The following FAM13B variants were observed in gnomAD, a reference collection of about 807,000 sequenced individuals.
FAM13B encodes family with sequence similarity 13 member B.
Under a neutral mutation model 117.3 loss-of-function variants are expected in FAM13B, and 60 were observed. The ratio of observed to expected loss-of-function variants is 0.51; its 90% CI spans 0.42 to 0.63. The LOEUF is 0.63. Ranked by LOEUF, FAM13B falls within the 30% of genes least tolerant of loss-of-function variation. The pLI is 0.00. For missense variants in FAM13B, 972 were observed against 1,091.9 expected, an observed-to-expected ratio of 0.89 and a Z score of 1.55; for synonymous variants, 332 against 356.1, an observed-to-expected ratio of 0.93 and a Z score of 0.76.
intron 10 of FAM13B, among the ~76,000 whole-genome samples, chr5:137,965,404 T>G (rs1338779462): frequency 6.6e-6 from 1 of 152,148 alleles, no homozygotes; most frequent in Admixed American, 6.5e-5. Context: ...TTAGGAGCTA[T>G]CGGAGATTAC....
rs142454182 is a variant in FAM13B, at chr5:137,990,715, G to A, written c.849-2400C>T. Reference sequence around the variant, plus strand: ...CATGCCTCAAGTCCCAGCTACTCAGGAGGCTGAGTCAGGAGGATCACTTGA... The same window carrying A: ...CATGCCTCAAGTCCCAGCTACTCAGAAGGCTGAGTCAGGAGGATCACTTGA... On this transcript the variant is annotated intron_variant, in intron 7 of 23. Coordinates refer to ENST00000689681, the MANE Select transcript of FAM13B (RefSeq NM_001385994.1). Among the ~76,000 whole-genome samples, 1,516 of 152,212 alleles carry A rather than the reference G, an allele frequency of 1.0e-2. 13 individuals carry two copies. The highest frequency in any genetic ancestry group is 0.015 in the Non-Finnish European group (1,033 of 68,028).
At chr5:137,943,737 T>A (rs56754897) in intron 20 of FAM13B, among the ~76,000 whole-genome samples, 25,909 of 151,878 alleles carry the variant, frequency 0.17, 2,298 homozygotes, top group African/African-American at 0.18. Flanking sequence ...AGACCAAGAC[T>A]CTGCCTCAAA....
chr5:137,950,015 T>C (rs1377340615), intron 17 of FAM13B, among the ~76,000 whole-genome samples: 1 of 152,126 alleles, frequency 6.6e-6, no homozygotes, highest in East Asian at 1.9e-4. Context: ...ATTATTTTTA[T>C]ATCCATAGAG....
At chr5:137,948,087 A>G (rs1224016893) in intron 18 of FAM13B, among the ~76,000 whole-genome samples, 1 of 152,096 alleles carries the variant, frequency 6.6e-6, no homozygotes, top group African/African-American at 2.4e-5. Context: ...CCATTCTCCA[A>G]GCAAATCTCA....
rs1158195346 is a variant in FAM13B at position 138,039,358 on chromosome 5, C to T, written c.-203+12520G>A. ...CTGCCTTTTTAACCAGAAATCTAGG[C>T]AGGAGGGTCTCACCATTTTGCATAT... is the stretch of plus-strand genomic sequence containing the variant. On this transcript the variant is annotated intron_variant, in intron 1 of 3. Transcript: ENST00000502471. 3.3e-5 allele frequency: 5 copies of T among 152,198 alleles called. No homozygotes were observed. The East Asian group carries it at 9.6e-4, about 29-fold the overall frequency. The allele number at this position is 152,198 out of a possible 1,614,324, so 9.4% of individuals were successfully genotyped here.
chr5:137,983,402 T>C (rs193266458), intron 10 of FAM13B, among the ~76,000 whole-genome samples: 1 of 151,876 alleles, frequency 6.6e-6, no homozygotes, highest in East Asian at 1.9e-4. Context: ...TAAGAGAGAA[T>C]GGGAGGAGAA....
chr5:138,034,995 CTTTTTTTTTTTTTT>C (rs557807234), upstream of FAM13B, among the ~76,000 whole-genome samples: 4,420 of 34,434 alleles, frequency 0.13, 209 homozygotes, highest in Middle Eastern at 0.34. Context: ...ATTCCCTTGC[CTTTTTTTTTTTTTT>C]TTTTTTTTTT....
intron 7 of FAM13B, among the ~76,000 whole-genome samples, chr5:137,997,450 C>A (rs887350066): frequency 1.3e-5 from 2 of 151,334 alleles, no homozygotes; most frequent in Non-Finnish European, 1.5e-5. Context: ...GCCTGGACAA[C>A]AAGAGCGAAA....
chr5:138,020,620 A>G (rs1175060912), intron 2 of FAM13B: 1 of 152,358 alleles, frequency 6.6e-6, no homozygotes. Flanking sequence ...GAAAAACTCA[A>G]AGGTTGATAA....
chr5:137,943,145 A>C lies in FAM13B; in HGVS notation c.2412T>G (p.Phe804Leu). ...TTTAAAGGATTACCTTGATTTCTTCAAAAAAATGTGCAGTTTCTCCTTCTA... is the reference window on the plus strand; with the variant it reads ...TTTAAAGGATTACCTTGATTTCTTCCAAAAAATGTGCAGTTTCTCCTTCTA... Reference protein sequence around the residue: ...PIIEGETAHFFEEIKEEEEDG... With the variant: ...PIIEGETAHFLEEIKEEEEDG... Residue 804 changes from phenylalanine to leucine, a missense_variant, in exon 21 of 24, where the codon TTT (phenylalanine) becomes TTG (leucine). By Grantham distance (22) the Phe-to-Leu change is conservative. Transcript: ENST00000689681. 1 of 1,613,666 alleles carries C rather than the reference A, an allele frequency of 6.2e-7. No homozygotes were observed. Among genetic ancestry groups the C allele is most frequent in the Non-Finnish European group, 8.5e-7 (1 of 1,179,632 alleles).
At chr5:138,015,529 C>A (rs887765795) in intron 4 of FAM13B, among the ~76,000 whole-genome samples, 2 of 152,092 alleles carry the variant, frequency 1.3e-5, no homozygotes, top group Non-Finnish European at 2.9e-5. Flanking sequence ...ATGGTGAAAC[C>A]CCATCTCTAC....
intron 10 of FAM13B, among the ~76,000 whole-genome samples, chr5:137,977,854 T>G (rs1233775556): frequency 6.6e-6 from 1 of 152,244 alleles, no homozygotes; most frequent in Non-Finnish European, 1.5e-5. Context: ...TTTAATTATT[T>G]GATTATAAAT....
At chr5:137,959,570 T>C in intron 13 of FAM13B, 46 bp downstream of exon 13, 3 of 1,605,718 alleles carry the variant, frequency 1.9e-6, no homozygotes, top group Non-Finnish European at 2.6e-6. Flanking sequence ...GTAATTTCGG[T>C]TACAAGTAAC....
Position 137,939,839 on chromosome 5 carries a change from T to C in FAM13B, c.*386A>G, listed in dbSNP as rs761932584. Reference sequence around the variant, plus strand: ...GCAACAGAAGAATTCAGTATGAAGATTTTCCTCCAATTTTCTTCAGTAATG... The same window carrying C: ...GCAACAGAAGAATTCAGTATGAAGACTTTCCTCCAATTTTCTTCAGTAATG... On this transcript the variant is annotated 3_prime_UTR_variant, in exon 24 of 24. Transcript: ENST00000689681. 11 of 1,287,106 alleles carry C rather than the reference T, an allele frequency of 8.5e-6. No homozygotes were observed. The highest frequency in any genetic ancestry group is 3.1e-5 in the East Asian group (1 of 31,798). 79.7% of individuals were successfully genotyped at this position (1,287,106 alleles called of 1,614,324 possible). A position where few individuals can be genotyped will look rare whatever the true frequency, so the allele number is the denominator to read the frequency against.
At position 138,018,958 on chromosome 5, in the gene FAM13B, G is replaced by A. The variant is rs1357744519; in HGVS notation, c.154C>T (p.His52Tyr). The A allele has an allele frequency of 2.5e-6, 4 of 1,609,040 alleles. No individual in the cohort carries two copies. Among genetic ancestry groups the A allele is most frequent in the Non-Finnish European group, 3.4e-6 (4 of 1,176,778 alleles). ...VRHVVDYIEE[H>Y]GGLEQQGLFQ... ...CTCAAAGTAAGGAAATGTATACCAT[G>A]TTCCTCAATATAGTCCACAACGTGG... Residue 52 changes from histidine (H) to tyrosine (Y), a missense_variant, in exon 3 of 24, where the codon CAT becomes TAT. Coordinates refer to ENST00000689681, the MANE Select transcript of FAM13B (RefSeq NM_001385994.1).
At chr5:138,012,289 G>C (rs973398007) in intron 4 of FAM13B, among the ~76,000 whole-genome samples, 3 of 140,568 alleles carry the variant, frequency 2.1e-5, no homozygotes, top group African/African-American at 5.3e-5. Flanking sequence ...TTCCACACTA[G>C]TGCCAACTAT....
At chr5:137,959,848 T>C (rs1767644905) in intron 12 of FAM13B, 85 bp from the exon 13 acceptor site, 5 of 1,304,010 alleles carry the variant, frequency 3.8e-6, no homozygotes, top group African/African-American at 3.0e-5. Context: ...TATCCAAGTG[T>C]AGTCTTCATT....
chr5:137,944,972 G>C (rs1763051304), intron 20 of FAM13B, among the ~76,000 whole-genome samples: 1 of 148,966 alleles, frequency 6.7e-6, no homozygotes, highest in Non-Finnish European at 1.5e-5. Flanking sequence ...AGGGAGGGGG[G>C]CAAGGAATGA....
intron 4 of FAM13B, among the ~76,000 whole-genome samples, chr5:138,013,917 A>G (rs1581253418): frequency 6.6e-6 from 1 of 151,980 alleles, no homozygotes; most frequent in East Asian, 1.9e-4. Context: ...CTTATCCCCT[A>G]TAGCATTTTA....
Sources: gnomAD v4.1 joint callset for allele counts (sites outside exome capture counted in the v4.1 genomes callset) on GRCh38, gnomAD v4.1.1 for gene constraint, MANE v1.5 for transcripts, NCBI Gene and HGNC (gene_info 2026-07-23, HGNC 2026-07-21) for gene names.